The following TMPRSS5 variants were observed in gnomAD, a reference collection of about 807,000 sequenced individuals.
TMPRSS5 encodes the protein transmembrane protease serine 5.
Under a neutral mutation model 59.7 loss-of-function variants are expected in TMPRSS5, and 45 were observed. That is an observed-to-expected ratio of 0.75 (90% CI 0.59 to 0.97). The LOEUF (loss-of-function observed/expected upper bound fraction) is 0.97, where lower values mean the gene tolerates loss of function less well. Among genes scored for constraint, TMPRSS5 ranks in the 50% least tolerant of loss-of-function variants. The pLI is 0.00. For missense variants in TMPRSS5, 585 were observed against 596.7 expected, an observed-to-expected ratio of 0.98 and a Z score of 0.20; for synonymous variants, 225 against 232.0, an observed-to-expected ratio of 0.97 and a Z score of 0.27.
rs562481602 is a variant in TMPRSS5 at position 113,700,309 on chromosome 11, C to A, written c.4-141G>T. 61 of 834,768 alleles carry A rather than the reference C, an allele frequency of 7.3e-5. No individual in the cohort carries two copies. The East Asian group carries it at 1.5e-3, about 20-fold the overall frequency. The allele number at this position is 834,768 out of a possible 1,614,324, so 51.7% of individuals were successfully genotyped here. A position where few individuals can be genotyped will look rare whatever the true frequency, so the allele number is the denominator to read the frequency against. ...TAAACCTCTACTCATCTTGGAGACT[C>A]CCTGTATATTCCCACAAATACCTTG... On this transcript the variant is annotated intron_variant, in intron 1 of 12. Coordinates refer to ENST00000299882, the MANE Select transcript of TMPRSS5 (RefSeq NM_030770.4).
chr11:113,701,760 C>G (rs1953142519), intron 1 of TMPRSS5, among the ~76,000 whole-genome samples: 1 of 148,618 alleles, frequency 6.7e-6, no homozygotes, highest in South Asian at 2.2e-4. Flanking sequence ...TAAATGAAAC[C>G]ATGTGACATA....
intron 6 of TMPRSS5, among the ~76,000 whole-genome samples, chr11:113,696,103 C>T (rs1438297070): frequency 6.6e-6 from 1 of 152,138 alleles, no homozygotes; most frequent in Non-Finnish European, 1.5e-5. Flanking sequence ...TCCATTTTCC[C>T]ATTCAGGTAT....
intron 9 of TMPRSS5, among the ~76,000 whole-genome samples, chr11:113,691,904 T>TTTTTTTTTTTTTG (rs1565256089): frequency 6.8e-6 from 1 of 147,300 alleles, no homozygotes; most frequent in Non-Finnish European, 1.5e-5. Flanking sequence ...TTTTTTTTTT[T>TTTTTTTTTTTTTG]TGAGACGGAG....
chr11:113,691,981 A>C (rs1952795953), intron 9 of TMPRSS5, among the ~76,000 whole-genome samples: 1 of 140,248 alleles, frequency 7.1e-6, no homozygotes, highest in African/African-American at 2.8e-5. Context: ...TCTGCCTCCC[A>C]GGTTCAAGTG....
In TMPRSS5 at chr11:113,688,146, G is replaced by T. The variant is rs1952657055; in HGVS notation, c.*114C>A. 1 of 1,463,032 alleles carries T rather than the reference G, an allele frequency of 6.8e-7. No individual in the cohort carries two copies. Among genetic ancestry groups the T allele is most frequent in the Non-Finnish European group, 9.0e-7 (1 of 1,106,110 alleles). The allele number at this position is 1,463,032 out of a possible 1,614,324, so 90.6% of individuals were successfully genotyped here. On this transcript the variant is annotated 3_prime_UTR_variant, in exon 13 of 13. Transcript: ENST00000299882. ...CTGTTCCTCACACACAGTAGTAGGA[G>T]GTCCATGCGTTCTGTGTCGGAGGCT...
At chr11:113,705,427 G>T (rs1052907778) in intron 1 of TMPRSS5, among the ~76,000 whole-genome samples, 1 of 152,018 alleles carries the variant, frequency 6.6e-6, no homozygotes, top group East Asian at 1.9e-4. Context: ...ATAGAAAGAG[G>T]TACCAGCCCC....
chr11:113,688,715 A>G (rs1337412377), intron 12 of TMPRSS5, among the ~76,000 whole-genome samples: 1 of 151,980 alleles, frequency 6.6e-6, no homozygotes, highest in Non-Finnish European at 1.5e-5. Context: ...GGTGCGTGCC[A>G]CCATGCCCAG....
Position 113,690,832 on chromosome 11 carries a change from C to A in TMPRSS5, c.1063+9G>T. 1 of 1,576,530 alleles carries A rather than the reference C, an allele frequency of 6.3e-7. No homozygotes were observed. Among genetic ancestry groups the A allele is most frequent in the East Asian group, 2.3e-5 (1 of 43,068 alleles). ...GCCCCTGCACCGAGGGCCCAGGGAGCTGACTCACTATGGCTAGGGTGGGTG... is the reference window on the plus strand; with the variant it reads ...GCCCCTGCACCGAGGGCCCAGGGAGATGACTCACTATGGCTAGGGTGGGTG... On this transcript the variant is annotated intron_variant, in intron 10 of 12. Coordinates refer to ENST00000299882, the MANE Select transcript of TMPRSS5 (RefSeq NM_030770.4).
intron 1 of TMPRSS5, 125 bp from the exon 2 acceptor site, chr11:113,700,293 A>C: frequency 2.2e-6 from 2 of 907,648 alleles, no homozygotes. Flanking sequence ...GTAAACCTCT[A>C]CTCATCTTGG....
chr11:113,701,261 C>T (rs1175806382), intron 1 of TMPRSS5, among the ~76,000 whole-genome samples: 2 of 152,142 alleles, frequency 1.3e-5, no homozygotes, highest in South Asian at 2.1e-4. Context: ...CAGAAGAAGA[C>T]AGGAAGATGT....
chr11:113,700,978 C>A (rs1023477000), intron 1 of TMPRSS5, among the ~76,000 whole-genome samples: 3 of 152,208 alleles, frequency 2.0e-5, no homozygotes, highest in Admixed American at 1.3e-4. Context: ...TCCCTCTCCA[C>A]TCTGCACTTC....
chr11:113,696,312 C>T (rs1233159483), intron 6 of TMPRSS5, among the ~76,000 whole-genome samples: 1 of 152,188 alleles, frequency 6.6e-6, no homozygotes, highest in Non-Finnish European at 1.5e-5. Context: ...GTGCCCCAGT[C>T]ATACCAAACC....
At chr11:113,692,077 G>A (rs545115810) in intron 9 of TMPRSS5, among the ~76,000 whole-genome samples, 14 of 151,814 alleles carry the variant, frequency 9.2e-5, no homozygotes, top group African/African-American at 3.4e-4. Context: ...TAGTAGAGAC[G>A]GGGTTTCACC....
At chr11:113,699,243 CTCTCTCTCTCTCTCTCT>C (rs1565263491) in intron 3 of TMPRSS5, among the ~76,000 whole-genome samples, 2 of 82,438 alleles carry the variant, frequency 2.4e-5, no homozygotes, top group Non-Finnish European at 4.4e-5. Context: ...CTCTCTCTCT[CTCTCTCTCTCTCTCTCT>C]CTCTCTCTCT....
At chr11:113,701,057 G>A (rs888606333) in intron 1 of TMPRSS5, among the ~76,000 whole-genome samples, 1 of 152,288 alleles carries the variant, frequency 6.6e-6, no homozygotes, top group Admixed American at 6.5e-5. Flanking sequence ...AGTTTCCTGA[G>A]GCCTCCCAGC....
intron 6 of TMPRSS5, among the ~76,000 whole-genome samples, chr11:113,696,483 GC>G (rs1268265631): frequency 6.6e-6 from 1 of 152,208 alleles, no homozygotes; most frequent in Non-Finnish European, 1.5e-5. Context: ...AGAGCACTTA[GC>G]TTGGAGACAG....
chr11:113,692,902 T>A (rs531341301), intron 9 of TMPRSS5, among the ~76,000 whole-genome samples, 169 bp downstream of exon 9: 1 of 152,244 alleles, frequency 6.6e-6, no homozygotes, highest in East Asian at 1.9e-4. Flanking sequence ...TTGATAACAA[T>A]TTCAGAACCA....
intron 4 of TMPRSS5, among the ~76,000 whole-genome samples, chr11:113,698,223 C>G (rs1952983555): frequency 6.6e-6 from 1 of 150,622 alleles, no homozygotes; most frequent in Admixed American, 6.7e-5. Flanking sequence ...TTTAAACCAC[C>G]CGGTCTGTGG....
At chr11:113,688,303 A>G (rs375221352) in intron 12 of TMPRSS5, 29 bp from the exon 13 acceptor site, 148 of 1,502,900 alleles carry the variant, frequency 9.8e-5, no homozygotes, top group Non-Finnish European at 1.2e-4. Context: ...GAACTGATTC[A>G]CAGCATGGCT....
Sources: allele counts gnomAD v4.1 joint callset (sites outside exome capture counted in the v4.1 genomes callset), GRCh38; gene constraint gnomAD v4.1.1; transcripts MANE v1.5; gene names NCBI Gene and HGNC (gene_info 2026-07-23, HGNC 2026-07-21).